The following CALCR variants were observed in gnomAD, a reference collection of about 807,000 sequenced individuals.
CALCR encodes calcitonin receptor.
In CALCR, 47 loss-of-function variants were observed where a neutral mutation model predicts 59.5. That is an observed-to-expected ratio of 0.79 (90% confidence interval 0.63 to 1.01). The LOEUF is 1.01. Ranked by LOEUF, CALCR falls within the 50% of genes least tolerant of loss-of-function variation. The pLI is 0.00. For missense variants in CALCR, 566 were observed against 597.1 expected (o/e 0.95, Z 0.54); for synonymous variants, 213 against 211.3 (o/e 1.01, Z -0.07).
chr7:93,551,203 C>A (rs1248763510), intron 2 of CALCR, among the ~76,000 whole-genome samples: 1 of 152,068 alleles, frequency 6.6e-6, no homozygotes, highest in Non-Finnish European at 1.5e-5. Flanking sequence ...GAAGAAAATT[C>A]TTTTTAAAAA....
intron 2 of CALCR, among the ~76,000 whole-genome samples, chr7:93,568,509 TTCTC>T (rs4015269): frequency 0.019 from 1,928 of 102,230 alleles, 31 homozygotes; most frequent in African/African-American, 0.047. Context: ...TAAAATTACT[TTCTC>T]TCTCTCTCTC....
intron 2 of CALCR, among the ~76,000 whole-genome samples, chr7:93,568,521 C>CTCTT: frequency 8.6e-6 from 1 of 116,430 alleles, no homozygotes; most frequent in Admixed American, 8.4e-5. Context: ...CTCTCTCTCT[C>CTCTT]TCTCTCTCTC....
intron 2 of CALCR, 119 bp from the exon 3 acceptor site, chr7:93,487,126 A>G: frequency 1.7e-6 from 1 of 585,358 alleles, no homozygotes; most frequent in Non-Finnish European, 3.0e-6. Context: ...AGACACCCTA[A>G]AAAACACACG....
intron 2 of CALCR, among the ~76,000 whole-genome samples, chr7:93,546,290 G>A (rs997317319): frequency 1.3e-5 from 2 of 152,062 alleles, no homozygotes; most frequent in Non-Finnish European, 2.9e-5. Flanking sequence ...ACTCACAAAA[G>A]CATACCAGTT....
intron 13 of CALCR, among the ~76,000 whole-genome samples, chr7:93,430,200 G>T (rs967602196): frequency 6.6e-6 from 1 of 152,118 alleles, no homozygotes; most frequent in Non-Finnish European, 1.5e-5. Context: ...CTCCCAAAGT[G>T]CTGGGATTAC....
intron 2 of CALCR, among the ~76,000 whole-genome samples, chr7:93,556,734 T>C (rs1451886628): frequency 1.3e-5 from 2 of 152,100 alleles, no homozygotes; most frequent in African/African-American, 4.8e-5. Context: ...TTCATGTCAG[T>C]ACATATAGAT....
Position 93,564,223 on chromosome 7 carries a change from C to T in CALCR, c.-27+10066G>A, listed in dbSNP as rs541886953. ...TTCCGAGAATCTACCAGAAAGAGAGCACTTTGGGAACCAAGTGGTGAATGT... is the reference window on the plus strand; with the variant it reads ...TTCCGAGAATCTACCAGAAAGAGAGTACTTTGGGAACCAAGTGGTGAATGT... On this transcript the variant is annotated intron_variant, in intron 2 of 13. Transcript: ENST00000426151. 4.6e-5 allele frequency among the ~76,000 whole-genome samples: 7 copies of T among 152,088 alleles called. No individual in the cohort carries two copies. The South Asian group carries it at 1.5e-3, about 32-fold the overall frequency.
At chr7:93,476,296 C>T (rs2115873596) in intron 5 of CALCR, among the ~76,000 whole-genome samples, 1 of 151,936 alleles carries the variant, frequency 6.6e-6, no homozygotes, top group South Asian at 2.1e-4. Flanking sequence ...GTTCTTCACT[C>T]TTTCACTATC....
intron 2 of CALCR, among the ~76,000 whole-genome samples, chr7:93,567,983 AT>A (rs1226514507): frequency 6.6e-6 from 1 of 152,120 alleles, no homozygotes; most frequent in Non-Finnish European, 1.5e-5. Context: ...TTATAAACTC[AT>A]TTTTCTCCCC....
intron 2 of CALCR, among the ~76,000 whole-genome samples, chr7:93,493,722 A>C (rs1385546755): frequency 6.6e-6 from 1 of 151,456 alleles, no homozygotes; most frequent in East Asian, 1.9e-4. Flanking sequence ...GTGATCATGA[A>C]GAGAAATAGA....
intron 13 of CALCR, among the ~76,000 whole-genome samples, chr7:93,433,431 G>A (rs1347739717): frequency 1.2e-4 from 18 of 152,176 alleles, no homozygotes; most frequent in Non-Finnish European, 1.5e-5. Context: ...ATATAGATAA[G>A]TTAATTGGGA....
intron 2 of CALCR, among the ~76,000 whole-genome samples, chr7:93,536,468 C>A (rs1454090813): frequency 1.1e-4 from 17 of 151,740 alleles, no homozygotes; most frequent in Admixed American, 8.6e-4. Flanking sequence ...AAGAGTAAAA[C>A]CTCTAAGAAT....
At chr7:93,460,575 AT>A in intron 8 of CALCR, among the ~76,000 whole-genome samples, 2 of 99,750 alleles carry the variant, frequency 2.0e-5, no homozygotes, top group South Asian at 3.3e-4. Context: ...AAAAAAAAAT[AT>A]ATATATATAT....
At chr7:93,460,572 A>ATAT (rs1554397786) in intron 8 of CALCR, among the ~76,000 whole-genome samples, 21 of 66,514 alleles carry the variant, frequency 3.2e-4, no homozygotes, top group South Asian at 6.3e-4. Flanking sequence ...AAAAAAAAAA[A>ATAT]ATATATATAT....
At position 93,460,855 on chromosome 7, in the gene CALCR, A is replaced by C; in HGVS notation, c.614T>G (p.Val205Gly). 6.2e-7 allele frequency: 1 copy of C among 1,611,736 alleles called. No homozygotes were observed. Among genetic ancestry groups the C allele is most frequent in the Non-Finnish European group, 8.5e-7 (1 of 1,178,392 alleles). Residue 205 changes from valine to glycine, a missense_variant, in exon 8 of 14, where the codon GTA becomes GGA. Val to Gly is a moderately radical substitution (Grantham distance 109). Coordinates refer to ENST00000426151, the MANE Select transcript of CALCR (RefSeq NM_001742.4). ...TCGCACGAGCTCTCCATTGGGTACT[A>C]CTTCAACCAGGTGGATGATGATAAT... ...SMIIIIHLVE[V>G]VPNGELVRRD... is the part of the protein sequence containing the mutation.
intron 3 of CALCR, among the ~76,000 whole-genome samples, chr7:93,482,267 T>A (rs1800814595): frequency 6.6e-6 from 1 of 151,888 alleles, no homozygotes; most frequent in African/African-American, 2.4e-5. Context: ...TGGATCATGA[T>A]GCCTTCACAA....
intron 8 of CALCR, among the ~76,000 whole-genome samples, chr7:93,452,304 A>G (rs919873439): frequency 6.6e-6 from 1 of 151,998 alleles, no homozygotes; most frequent in African/African-American, 2.4e-5. Flanking sequence ...CTCACAACCC[A>G]ATGAGAAACA....
At chr7:93,559,620 T>A (rs1387115979) in intron 2 of CALCR, 2 of 151,912 alleles carry the variant, frequency 1.3e-5, no homozygotes, top group Non-Finnish European at 2.9e-5. Context: ...TTAAAACTTT[T>A]TTTTTTTTTA....
intron 2 of CALCR, among the ~76,000 whole-genome samples, chr7:93,548,839 AGTGTGTGTGTGTGTGT>A (rs754317267): frequency 7.3e-6 from 1 of 137,324 alleles, no homozygotes. Context: ...ATCCAGAAGA[AGTGTGTGTGTGTGTGT>A]GTGTGTGTGT....
Sources: gnomAD v4.1 joint callset for allele counts (sites outside exome capture counted in the v4.1 genomes callset) on GRCh38, gnomAD v4.1.1 for gene constraint, MANE v1.5 for transcripts, NCBI Gene and HGNC (gene_info 2026-07-23, HGNC 2026-07-21) for gene names.